Variants in PHF24 observed in about 807,000 individuals in gnomAD.
PHF24 encodes Galpha inhibitory interacting protein.
A neutral mutation model predicts 42.6 loss-of-function variants in PHF24; 25 were observed. The ratio of observed to expected loss-of-function variants is 0.59; its 90% CI spans 0.43 to 0.82. PHF24 has a LOEUF of 0.82. Ranked by LOEUF, PHF24 falls within the 40% of genes least tolerant of loss-of-function variation. The pLI is 0.00. For missense variants in PHF24, 470 were observed against 538.1 expected (o/e 0.87, Z 1.25); for synonymous variants, 185 against 204.8 (o/e 0.90, Z 0.83).
the PHF24 span, among the ~76,000 whole-genome samples, chr9:34,874,151 T>C: frequency 1.3e-5 from 2 of 152,130 alleles, no homozygotes; most frequent in Admixed American, 6.5e-5. Flanking sequence ...ACAGGGACAA[T>C]TGGACTTCCT....
chr9:34,705,660 T>C, the PHF24 span, among the ~76,000 whole-genome samples: 7 of 152,334 alleles, frequency 4.6e-5, no homozygotes, highest in South Asian at 1.2e-3. Flanking sequence ...GAAGTGAAAA[T>C]AAAGGCATGT....
At chr9:34,763,983 T>A in the PHF24 span, among the ~76,000 whole-genome samples, 1 of 151,582 alleles carries the variant, frequency 6.6e-6, no homozygotes, top group Non-Finnish European at 1.5e-5. Flanking sequence ...TGATTCTGTT[T>A]ATATGCTGGA....
At chr9:34,873,566 C>G in the PHF24 span, among the ~76,000 whole-genome samples, 8 of 152,082 alleles carry the variant, frequency 5.3e-5, no homozygotes, top group Admixed American at 2.6e-4. Flanking sequence ...TGATCTATAT[C>G]TCTGTTTTGG....
chr9:34,923,244 T>C, the PHF24 span, among the ~76,000 whole-genome samples: 1 of 152,166 alleles, frequency 6.6e-6, no homozygotes, highest in African/African-American at 2.4e-5. Flanking sequence ...TTAACTGTTA[T>C]TGAATTTAGT....
intron 1 of PHF24, among the ~76,000 whole-genome samples, chr9:34,965,657 T>TA (rs1826742231): frequency 6.6e-6 from 1 of 152,236 alleles, no homozygotes; most frequent in African/African-American, 2.4e-5. Context: ...TTATAAAGAA[T>TA]AATGGTATCC....
At chr9:34,888,982 A>G in the PHF24 span, 1 of 397,712 alleles carries the variant, frequency 2.5e-6, no homozygotes, top group South Asian at 1.4e-4. Flanking sequence ...CTTCTATACC[A>G]CATAAGAAGT....
chr9:34,827,203 C>A, the PHF24 span, among the ~76,000 whole-genome samples: 2 of 152,182 alleles, frequency 1.3e-5, no homozygotes, highest in Non-Finnish European at 2.9e-5. Flanking sequence ...GCTGCTGTGA[C>A]CCTCCTGAGT....
chr9:34,709,518 C>A, the PHF24 span: 1 of 1,614,132 alleles, frequency 6.2e-7, no homozygotes, highest in Non-Finnish European at 8.5e-7. Context: ...GCCTTTGGAG[C>A]CCTTTCCTTT....
the PHF24 span, among the ~76,000 whole-genome samples, chr9:34,949,117 A>G: frequency 6.6e-6 from 1 of 152,262 alleles, no homozygotes; most frequent in Non-Finnish European, 1.5e-5. Flanking sequence ...GAACAAGTAT[A>G]TAGAAAATCA....
chr9:34,765,434 G>T, the PHF24 span, among the ~76,000 whole-genome samples: 1 of 150,532 alleles, frequency 6.6e-6, no homozygotes, highest in Non-Finnish European at 1.5e-5. Flanking sequence ...TTGTTGAATT[G>T]ATCCCTTTCC....
the PHF24 span, among the ~76,000 whole-genome samples, chr9:34,859,262 G>A: frequency 5.3e-5 from 8 of 152,246 alleles, no homozygotes; most frequent in African/African-American, 1.9e-4. Context: ...TCCACCTGAA[G>A]TCTGAGTTAG....
At chr9:34,766,132 T>C in the PHF24 span, among the ~76,000 whole-genome samples, 2 of 152,142 alleles carry the variant, frequency 1.3e-5, no homozygotes, top group South Asian at 2.1e-4. Flanking sequence ...CTACCCTTAA[T>C]ATTTTTTCCT....
chr9:34,797,423 T>G, the PHF24 span, among the ~76,000 whole-genome samples: 8,230 of 152,158 alleles, frequency 0.054, 732 homozygotes, highest in African/African-American at 0.19. Context: ...GGAAAATGAG[T>G]GCAACCTTTT....
chr9:34,834,421 C>T, the PHF24 span: 9 of 1,551,732 alleles, frequency 5.8e-6, no homozygotes, highest in Admixed American at 3.9e-5. Context: ...TGCTGCTGGA[C>T]ACAGTCTGCT....
the PHF24 span, chr9:34,832,928 G>A: frequency 6.4e-7 from 1 of 1,551,620 alleles, no homozygotes; most frequent in South Asian, 1.2e-5. Flanking sequence ...GACTCGTGGA[G>A]GTAGCTGTGG....
At chr9:34,833,075 C>T in the PHF24 span, 2 of 1,519,938 alleles carry the variant, frequency 1.3e-6, no homozygotes, top group Admixed American at 2.1e-5. Flanking sequence ...AGCAGGGCGT[C>T]TCTCTTCTCT....
At chr9:34,782,220 A>G in the PHF24 span, among the ~76,000 whole-genome samples, 4 of 152,196 alleles carry the variant, frequency 2.6e-5, no homozygotes, top group Non-Finnish European at 5.9e-5. Flanking sequence ...GGATGGTCAC[A>G]TGTCAGAGGC....
chr9:34,826,854 A>G, the PHF24 span, among the ~76,000 whole-genome samples: 1 of 152,206 alleles, frequency 6.6e-6, no homozygotes, highest in African/African-American at 2.4e-5. Flanking sequence ...TTGAGTTTAT[A>G]CCCTTCATGT....
the PHF24 span, chr9:34,690,369 A>T: frequency 6.2e-7 from 1 of 1,611,022 alleles, no homozygotes; most frequent in Non-Finnish European, 8.5e-7. Context: ...AGGTGACAGG[A>T]CACAGGGACC....
Sources: allele counts gnomAD v4.1 joint callset (sites outside exome capture counted in the v4.1 genomes callset), GRCh38; gene constraint gnomAD v4.1.1; transcripts MANE v1.5; gene names NCBI Gene and HGNC (gene_info 2026-07-23, HGNC 2026-07-21).